Variants in GALNT18 observed in about 807,000 individuals in gnomAD.
The protein encoded by GALNT18 is GalNAc-transferase 18.
GALNT18 carries 44 observed loss-of-function variants against 69.5 expected under a neutral mutation model. The ratio of observed to expected loss-of-function variants is 0.63; its 90% CI spans 0.50 to 0.81. The LOEUF (loss-of-function observed/expected upper bound fraction) is 0.81, where lower values mean the gene tolerates loss of function less well. GALNT18 is among the 40% of genes least tolerant of loss of function. The probability of loss-of-function intolerance (pLI) is 0.00; values close to 1 mark genes in which losing one functional copy is unlikely to be tolerated. For synonymous variants in GALNT18, 364 were observed against 318.2 expected, an observed-to-expected ratio of 1.14 and a Z score of -1.53; for missense variants, 715 against 810.0, an observed-to-expected ratio of 0.88 and a Z score of 1.42.
chr11:11,530,580 G>A (rs1450323168), intron 1 of GALNT18, among the ~76,000 whole-genome samples: 1 of 152,186 alleles, frequency 6.6e-6, no homozygotes, highest in Non-Finnish European at 1.5e-5. Flanking sequence ...AGAGGAAAAG[G>A]AAAGGCAGGC....
At position 11,583,579 on chromosome 11, in the gene GALNT18, G is replaced by T. The variant is rs1219248809; in HGVS notation, c.235+37780C>A. Among the ~76,000 whole-genome samples the T allele has an allele frequency of 1.3e-5, 2 of 152,156 alleles. No homozygotes were observed. Among genetic ancestry groups the T allele is most frequent in the Non-Finnish European group, 2.9e-5 (2 of 68,018 alleles). On this transcript the variant is annotated intron_variant, in intron 1 of 10. Coordinates refer to ENST00000227756, the MANE Select transcript of GALNT18 (RefSeq NM_198516.3). This position sits in a 1 kb window ranked among gnomAD's most constrained non-coding sequence, Gnocchi z 4.7. ...TTCCTCTCCACCTGGCCCCAGCAAAGGATACATTTACATCTCATTCCCCAA... is the reference window on the plus strand; with the variant it reads ...TTCCTCTCCACCTGGCCCCAGCAAATGATACATTTACATCTCATTCCCCAA...
At chr11:11,312,523 G>A (rs1276697804) in intron 9 of GALNT18, among the ~76,000 whole-genome samples, 1 of 152,184 alleles carries the variant, frequency 6.6e-6, no homozygotes, top group Non-Finnish European at 1.5e-5. Flanking sequence ...AGGCTGAGGA[G>A]GAGGAAGAGG....
chr11:11,453,100 G>A (rs1406321569), intron 1 of GALNT18, among the ~76,000 whole-genome samples: 1 of 152,144 alleles, frequency 6.6e-6, no homozygotes, highest in Non-Finnish European at 1.5e-5. Flanking sequence ...GAAAGTGAAG[G>A]GGCTGCTTCA....
At chr11:11,410,978 G>A (rs1854713304) in intron 3 of GALNT18, among the ~76,000 whole-genome samples, 1 of 152,190 alleles carries the variant, frequency 6.6e-6, no homozygotes, top group Admixed American at 6.5e-5. Flanking sequence ...GCTTGACTCT[G>A]TCAATGCCTC....
intron 9 of GALNT18, among the ~76,000 whole-genome samples, chr11:11,325,883 G>A (rs1007566132): frequency 1.3e-5 from 2 of 152,088 alleles, no homozygotes; most frequent in African/African-American, 4.8e-5. Flanking sequence ...AGATGGTAGA[G>A]GTCGCAATGG....
At chr11:11,410,893 A>G (rs577738585) in intron 3 of GALNT18, among the ~76,000 whole-genome samples, 2 of 152,266 alleles carry the variant, frequency 1.3e-5, no homozygotes, top group African/African-American at 4.8e-5. Flanking sequence ...CCTCCCCAGT[A>G]TACATAGGGA....
chr11:11,581,070 G>A (rs79700144), intron 1 of GALNT18, among the ~76,000 whole-genome samples: 11,105 of 152,348 alleles, frequency 0.073, 505 homozygotes, highest in Middle Eastern at 0.15. Context: ...TGCTGCATGT[G>A]TTTTGTCTAT....
chr11:11,303,632 C>T (rs1025075728), intron 9 of GALNT18, among the ~76,000 whole-genome samples: 1 of 152,054 alleles, frequency 6.6e-6, no homozygotes, highest in Non-Finnish European at 1.5e-5. Flanking sequence ...TCATACACAC[C>T]AGACTTGGTG....
chr11:11,272,042 CT>C (rs1848838656), intron 10 of GALNT18, among the ~76,000 whole-genome samples: 1 of 152,174 alleles, frequency 6.6e-6, no homozygotes, highest in South Asian at 2.1e-4. Flanking sequence ...TACCACCAAA[CT>C]TGTGCTCAAC....
At chr11:11,506,410 T>C (rs1857070757) in intron 1 of GALNT18, among the ~76,000 whole-genome samples, 1 of 152,174 alleles carries the variant, frequency 6.6e-6, no homozygotes, top group Non-Finnish European at 1.5e-5. Context: ...AAATACACCA[T>C]CTAGACCCTG....
At chr11:11,299,837 G>T (rs1045733240) in intron 9 of GALNT18, among the ~76,000 whole-genome samples, 1 of 152,234 alleles carries the variant, frequency 6.6e-6, no homozygotes, top group Non-Finnish European at 1.5e-5. Flanking sequence ...CCAGGATTGG[G>T]ATTGCTGGAT....
intron 1 of GALNT18, among the ~76,000 whole-genome samples, chr11:11,458,596 G>A (rs944283564): frequency 3.3e-5 from 5 of 152,194 alleles, no homozygotes; most frequent in Non-Finnish European, 7.3e-5. Context: ...GGCCTTGCCC[G>A]AGAAGCCCAG....
intron 1 of GALNT18, among the ~76,000 whole-genome samples, chr11:11,553,394 G>A (rs1298505468): frequency 6.6e-6 from 1 of 152,176 alleles, no homozygotes; most frequent in East Asian, 1.9e-4. Flanking sequence ...CCAAGACACT[G>A]CCAGGCAGCA....
intron 3 of GALNT18, among the ~76,000 whole-genome samples, chr11:11,407,897 A>G (rs547249195): frequency 7.7e-4 from 118 of 152,294 alleles, no homozygotes; most frequent in Non-Finnish European, 1.1e-3. Flanking sequence ...TGCCTGTTGG[A>G]TGCACCGAGT....
Position 11,341,060 on chromosome 11 carries a change from C to T in GALNT18, c.1093-56G>A. ...CCTGCCTGGCTCTGCCTTTCTACAC[C>T]AGGCCTCAGGCAGCCACTTGACATG... On this transcript the variant is annotated intron_variant, in intron 6 of 10. Coordinates refer to ENST00000227756, the MANE Select transcript of GALNT18 (RefSeq NM_198516.3). The surrounding 1 kb of genome is among the most constrained non-coding windows in gnomAD (Gnocchi z 6.3). The T allele has an allele frequency of 4.0e-6, 6 of 1,504,646 alleles. No homozygotes were observed. The highest frequency in any genetic ancestry group is 1.8e-6 in the Non-Finnish European group (2 of 1,116,724). 93.2% of individuals were successfully genotyped at this position (1,504,646 alleles called of 1,614,324 possible). A position where few individuals can be genotyped will look rare whatever the true frequency, so the allele number is the denominator to read the frequency against.
At chr11:11,391,959 G>A (rs554444692) in intron 3 of GALNT18, among the ~76,000 whole-genome samples, 32 of 152,334 alleles carry the variant, frequency 2.1e-4, no homozygotes, top group Non-Finnish European at 4.0e-4. Flanking sequence ...CGTGTGTTTC[G>A]TTTTCATAAA....
intron 3 of GALNT18, among the ~76,000 whole-genome samples, chr11:11,429,157 C>T (rs950368102): frequency 2.0e-5 from 3 of 152,208 alleles, no homozygotes; most frequent in African/African-American, 7.2e-5. Flanking sequence ...CCCTTCCACA[C>T]CCAGTGGCTT....
At chr11:11,288,125 A>G (rs1021448381) in intron 10 of GALNT18, among the ~76,000 whole-genome samples, 3 of 151,948 alleles carry the variant, frequency 2.0e-5, no homozygotes, top group African/African-American at 7.3e-5. Flanking sequence ...ATGGAAATCT[A>G]CTACTTAAGA....
chr11:11,503,288 T>G (rs1274456487), intron 1 of GALNT18, among the ~76,000 whole-genome samples: 1 of 152,178 alleles, frequency 6.6e-6, no homozygotes, highest in East Asian at 1.9e-4. Context: ...TTGGATACAT[T>G]ATTTCACTTC....
Sources: gnomAD v4.1 joint callset for allele counts (sites outside exome capture counted in the v4.1 genomes callset) on GRCh38, gnomAD v4.1.1 for gene constraint, Gnocchi (gnomAD v3.1) non-coding constraint, MANE v1.5 for transcripts, NCBI Gene and HGNC (gene_info 2026-07-23, HGNC 2026-07-21) for gene names.